Variants in C1QTNF3 observed in about 807,000 individuals in gnomAD.
The protein encoded by C1QTNF3 is C1q and TNF related 3, also known as complement C1q tumor necrosis factor-related protein 3.
C1QTNF3 carries 26 observed loss-of-function variants against 32.6 expected under a neutral mutation model. That is an observed-to-expected ratio of 0.80 (90% CI 0.58 to 1.11). The LOEUF (loss-of-function observed/expected upper bound fraction) is 1.11, where lower values mean the gene tolerates loss of function less well. C1QTNF3 is among the 50% of genes least tolerant of loss of function. The pLI is 0.00. For missense variants in C1QTNF3, 362 were observed against 398.2 expected (o/e 0.91, Z 0.77); for synonymous variants, 155 against 146.0 (o/e 1.06, Z -0.44).
chr5:34,088,365 ATTGT>A, the C1QTNF3 span, among the ~76,000 whole-genome samples: 3 of 152,188 alleles, frequency 2.0e-5, no homozygotes, highest in Non-Finnish European at 4.4e-5. Context: ...CCACAAATGT[ATTGT>A]TTATTAAATT....
At chr5:34,236,193 G>A in the C1QTNF3 span, among the ~76,000 whole-genome samples, 22 of 152,208 alleles carry the variant, frequency 1.4e-4, no homozygotes, top group Admixed American at 4.6e-4. Flanking sequence ...GAGAAATATA[G>A]TTTATGTATC....
chr5:34,091,852 T>C, the C1QTNF3 span, among the ~76,000 whole-genome samples: 31 of 152,130 alleles, frequency 2.0e-4, no homozygotes, highest in Middle Eastern at 3.4e-3. Flanking sequence ...ATTTTTTATA[T>C]GTCAATGAAA....
At chr5:34,055,495 C>T in the C1QTNF3 span, among the ~76,000 whole-genome samples, 1 of 152,210 alleles carries the variant, frequency 6.6e-6, no homozygotes, top group Non-Finnish European at 1.5e-5. Flanking sequence ...TGTGAAACAT[C>T]CAATTAACAT....
At chr5:34,110,958 C>T in the C1QTNF3 span, among the ~76,000 whole-genome samples, 1 of 152,092 alleles carries the variant, frequency 6.6e-6, no homozygotes, top group African/African-American at 2.4e-5. Flanking sequence ...TATGGTCTAA[C>T]TGCATACAGC....
Position 34,042,848 on chromosome 5 carries a change from G to A in C1QTNF3, c.278C>T (p.Ala93Val). 1 of 1,614,120 alleles carries A rather than the reference G, an allele frequency of 6.2e-7. No individual in the cohort carries two copies. Among genetic ancestry groups the A allele is most frequent in the Non-Finnish European group, 8.5e-7 (1 of 1,180,010 alleles). Residue 93 changes from alanine (A) to valine (V), a missense_variant, in exon 1 of 6, where the codon GCC becomes GTC. By Grantham distance (64) the Ala-to-Val change is moderately conservative (BLOSUM62 0). Coordinates refer to ENST00000382065, the MANE Select transcript of C1QTNF3 (RefSeq NM_181435.6). ...ELPHPEVDDL[A>V]QITTFWGQSP... The stretch of plus-strand genomic sequence containing the variant: ...CTGGCCCCAGAATGTGGTGATCTGG[G>A]CTAGGTCATCTACCTCGGGGTGCGG...
At chr5:34,089,651 C>T in the C1QTNF3 span, among the ~76,000 whole-genome samples, 4 of 152,168 alleles carry the variant, frequency 2.6e-5, no homozygotes, top group Non-Finnish European at 4.4e-5. Flanking sequence ...TTTTCTATAG[C>T]GTTCTGCACA....
chr5:34,076,125 A>G, the C1QTNF3 span, among the ~76,000 whole-genome samples: 1 of 151,674 alleles, frequency 6.6e-6, no homozygotes, highest in South Asian at 2.1e-4. Context: ...TATGCAGTAG[A>G]GAATTGTATG....
chr5:34,108,359 A>G, the C1QTNF3 span, among the ~76,000 whole-genome samples: 3 of 152,118 alleles, frequency 2.0e-5, no homozygotes, highest in Non-Finnish European at 4.4e-5. Context: ...GTTTCCAGTA[A>G]AAAGCAAGAT....
chr5:34,084,778 T>G, the C1QTNF3 span, among the ~76,000 whole-genome samples: 2 of 116,850 alleles, frequency 1.7e-5, no homozygotes, highest in African/African-American at 8.0e-5. Context: ...GTAGGTTGCC[T>G]GGTTTTTCTG....
At chr5:34,202,025 A>G in the C1QTNF3 span, among the ~76,000 whole-genome samples, 1 of 152,204 alleles carries the variant, frequency 6.6e-6, no homozygotes, top group Non-Finnish European at 1.5e-5. Flanking sequence ...TATTGTCTCC[A>G]TGATTTCACT....
chr5:34,138,680 A>G, the C1QTNF3 span, among the ~76,000 whole-genome samples: 2 of 152,316 alleles, frequency 1.3e-5, no homozygotes, highest in Admixed American at 1.3e-4. Flanking sequence ...AAACTGAGAA[A>G]TAATTACCCA....
the C1QTNF3 span, among the ~76,000 whole-genome samples, chr5:34,058,230 C>G: frequency 6.6e-6 from 1 of 152,108 alleles, no homozygotes; most frequent in African/African-American, 2.4e-5. Flanking sequence ...TCCAATTCCC[C>G]ACCACACCCC....
chr5:34,118,547 A>G, the C1QTNF3 span, among the ~76,000 whole-genome samples: 1 of 152,098 alleles, frequency 6.6e-6, no homozygotes, highest in Non-Finnish European at 1.5e-5. Context: ...TGTTGTACAT[A>G]AGATCTTTGC....
At chr5:34,216,329 G>T in the C1QTNF3 span, among the ~76,000 whole-genome samples, 1 of 152,186 alleles carries the variant, frequency 6.6e-6, no homozygotes, top group African/African-American at 2.4e-5. Context: ...CATTCAGCAG[G>T]TGAAGTCAGT....
the C1QTNF3 span, among the ~76,000 whole-genome samples, chr5:34,219,734 A>G: frequency 6.6e-6 from 1 of 152,142 alleles, no homozygotes; most frequent in East Asian, 1.9e-4. Context: ...GGAAAAATGG[A>G]CATTCAGTCC....
chr5:34,052,636 A>G, the C1QTNF3 span, among the ~76,000 whole-genome samples: 1 of 152,268 alleles, frequency 6.6e-6, no homozygotes, highest in African/African-American at 2.4e-5. Flanking sequence ...TCTATCTTAC[A>G]TGGTTGTTGT....
intron 1 of C1QTNF3, among the ~76,000 whole-genome samples, chr5:34,041,988 CT>C (rs1754883133): frequency 6.7e-6 from 1 of 148,174 alleles, no homozygotes; most frequent in African/African-American, 2.5e-5. Flanking sequence ...TTCTTGCCCC[CT>C]CTGACAGTTT....
chr5:34,051,191 A>G, the C1QTNF3 span, among the ~76,000 whole-genome samples: 1 of 152,228 alleles, frequency 6.6e-6, no homozygotes, highest in Non-Finnish European at 1.5e-5. Context: ...AGGATAGCAG[A>G]GCAGAAAGAT....
At chr5:34,135,191 T>C in the C1QTNF3 span, among the ~76,000 whole-genome samples, 1 of 152,222 alleles carries the variant, frequency 6.6e-6, no homozygotes, top group South Asian at 2.1e-4. Flanking sequence ...GTTTTTGTCA[T>C]TGGTTCTGTT....
Sources: allele counts gnomAD v4.1 joint callset (sites outside exome capture counted in the v4.1 genomes callset), GRCh38; gene constraint gnomAD v4.1.1; transcripts MANE v1.5; gene names NCBI Gene and HGNC (gene_info 2026-07-23, HGNC 2026-07-21).